Variants in RGS11 observed in about 807,000 individuals in gnomAD.
RGS11 encodes regulator of G-protein signaling 11.
A neutral mutation model predicts 71.1 loss-of-function variants in RGS11; 86 were observed. The observed-to-expected ratio is 1.21, with a 90% CI of 1.02 to 1.45. The LOEUF is 1.45. RGS11 is among the 40% of genes most tolerant of loss of function. The pLI, the probability that RGS11 is intolerant of heterozygous loss-of-function variation, is 0.00. For missense variants in RGS11, 734 were observed against 635.1 expected (o/e 1.16, Z -1.67); for synonymous variants, 298 against 254.2 (o/e 1.17, Z -1.64).
rs1596882975 is a variant in RGS11 at position 269,688 on chromosome 16, CAG to C, written c.1207-105_1207-104del. On this transcript the variant is annotated intron_variant, in intron 15 of 16. Transcript: ENST00000397770. ...ACATTGCTGGAGCCTCCTCCAGCCA[CAG>C]AGTCTCCGGCGGACAGGGTGCTGGA... 6.4e-6 allele frequency: 6 copies of C among 932,520 alleles called. No homozygotes were observed. The African/African-American group carries it at 6.6e-5, about 10-fold the overall frequency. 57.8% of individuals were successfully genotyped at this position (932,520 alleles called of 1,614,324 possible).
chr16:273,731 A>T, intron 7 of RGS11, 29 bp downstream of exon 7: 1 of 1,598,272 alleles, frequency 6.3e-7, no homozygotes, highest in Non-Finnish European at 8.6e-7. Flanking sequence ...GGGCGCCTGC[A>T]GGCGGGGCGG....
rs1285567258 is a variant in RGS11, at chr16:274,296, A to G, written c.319-31T>C. 4.4e-6 allele frequency: 7 copies of G among 1,596,704 alleles called. No individual in the cohort carries two copies. The African/African-American group carries it at 6.7e-5, about 15-fold the overall frequency. ...GTGGTGCAGGGAGAAGGTGTCCAGG[A>G]CGCCTGCGTCTGTGCCTCCCCAGTG... On this transcript the variant is annotated intron_variant, in intron 4 of 16. Transcript: ENST00000397770.
chr16:272,905 C>T lies in RGS11; in HGVS notation c.615G>A (p.Gln205=). 1.3e-6 allele frequency: 2 copies of T among 1,526,492 alleles called. No individual in the cohort carries two copies. The highest frequency in any genetic ancestry group is 1.8e-6 in the Non-Finnish European group (2 of 1,133,262). The allele number at this position is 1,526,492 out of a possible 1,614,324, so 94.6% of individuals were successfully genotyped here. Reference sequence around the variant, plus strand: ...CAGCGCAGGATCCCCGCCCTGGACCCTGCTCCAGCACATCGGGGGCCCCGG... The same window carrying T: ...CAGCGCAGGATCCCCGCCCTGGACCTTGCTCCAGCACATCGGGGGCCCCGG... The part of the protein sequence containing the change: ...PPPGAPDVLE[Q]GPGRGSCAAS... Residue 205 remains glutamine (Q), a synonymous_variant, in exon 9 of 17, where the codon CAG becomes CAA. Transcript: ENST00000397770.
rs2051826808 is a variant in RGS11, at chr16:269,653, GAGCA to G, written c.1207-72_1207-69del. On this transcript the variant is annotated intron_variant, in intron 15 of 16. Transcript: ENST00000397770. ...ACCTCTCAGCCAGCTCCACCCGAAGGAGCAGCCAAACATTGCTGGAGCCTCCTCC... is the reference window on the plus strand; with the variant it reads ...ACCTCTCAGCCAGCTCCACCCGAAGGGCCAAACATTGCTGGAGCCTCCTCC... 2.4e-6 allele frequency: 3 copies of G among 1,273,156 alleles called. No homozygotes were observed. In the East Asian group the frequency reaches 7.0e-5, roughly 30 times the overall value. 78.9% of individuals were successfully genotyped at this position (1,273,156 alleles called of 1,614,324 possible). A position where few individuals can be genotyped will look rare whatever the true frequency, so the allele number is the denominator to read the frequency against.
In RGS11 at chr16:273,789, C is replaced by T; in HGVS notation, c.477G>A (p.Leu159=). 1.9e-6 allele frequency: 3 copies of T among 1,613,194 alleles called. No homozygotes were observed. The highest frequency in any genetic ancestry group is 1.7e-6 in the Non-Finnish European group (2 of 1,180,010). ...GCTGCTCCCTCGCCTGCATCAGCACCAGGTCCCATGCGTGGTTGATCTTCT... is the reference window on the plus strand; with the variant it reads ...GCTGCTCCCTCGCCTGCATCAGCACTAGGTCCCATGCGTGGTTGATCTTCT... ...LHKKINHAWD[L]VLMQAREQLR... Residue 159 remains leucine (L), a synonymous_variant, in exon 7 of 17, where the codon CTG becomes CTA. Transcript: ENST00000397770.
rs1567232281 is a variant in RGS11, at chr16:268,430, G to A, written c.*839C>T. ...CCCTACCGCCGAGAGAGTTGAAGCT[G>A]CACCCCCGAAAGGAGCCAGCTGTAC... On this transcript the variant is annotated 3_prime_UTR_variant, in exon 17 of 17. Coordinates refer to ENST00000397770, the MANE Select transcript of RGS11 (RefSeq NM_183337.3). 2.8e-6 allele frequency: 1 copy of A among 362,496 alleles called. No individual in the cohort carries two copies. The highest frequency in any genetic ancestry group is 5.2e-6 in the Non-Finnish European group (1 of 191,848). 22.5% of individuals were successfully genotyped at this position (362,496 alleles called of 1,614,324 possible). A position where few individuals can be genotyped will look rare whatever the true frequency, so the allele number is the denominator to read the frequency against.
intron 4 of RGS11, chr16:274,592 C>CGGCAGGT (rs1365695682): frequency 1.7e-6 from 1 of 593,186 alleles, no homozygotes; most frequent in East Asian, 3.1e-5. Context: ...GTACAACCGA[C>CGGCAGGT]GGCAGGTCGG....
chr16:271,202 G>C lies in RGS11; in HGVS notation c.863C>G (p.Thr288Arg), dbSNP rs148856124. 75 of 1,612,280 alleles carry C rather than the reference G, an allele frequency of 4.7e-5. No homozygotes were observed. The highest frequency in any genetic ancestry group is 1.6e-4 in the Middle Eastern group (1 of 6,080). Residue 288 changes from threonine to arginine, a missense_variant and splice_region_variant, in exon 12 of 17, where the codon ACG becomes AGG. Thr to Arg is a moderately conservative substitution (Grantham distance 71). Coordinates refer to ENST00000397770, the MANE Select transcript of RGS11 (RefSeq NM_183337.3). ...GTCCCGCTGCCCCGCCTGGGCTCAC[G>C]TGGGGGCATTCATGACCCAGTAGGC... ...NDAYWVMNAPTVAAPTKLRVE... is the reference protein window; with the variant it reads ...NDAYWVMNAPRVAAPTKLRVE...
At position 272,908 on chromosome 16, in the gene RGS11, C is replaced by G. The variant is rs1023889142; in HGVS notation, c.612G>C (p.Glu204Asp). ...CGCAGGATCCCCGCCCTGGACCCTG[C>G]TCCAGCACATCGGGGGCCCCGGGCT... is the stretch of plus-strand genomic sequence containing the variant. ...RPPPGAPDVL[E>D]QGPGRGSCAA... The change falls in exon 9 of 17, where the codon GAG becomes GAC. Residue 204 changes from glutamate to aspartate, a missense_variant. Glu to Asp is a conservative substitution (Grantham distance 45, BLOSUM62 2). Coordinates refer to ENST00000397770, the MANE Select transcript of RGS11 (RefSeq NM_183337.3). 1 of 1,524,672 alleles carries G rather than the reference C, an allele frequency of 6.6e-7. No homozygotes were observed. Among genetic ancestry groups the G allele is most frequent in the Admixed American group, 2.0e-5 (1 of 48,854 alleles). 94.4% of individuals were successfully genotyped at this position (1,524,672 alleles called of 1,614,324 possible). A position where few individuals can be genotyped will look rare whatever the true frequency, so the allele number is the denominator to read the frequency against.
chr16:275,807 CCGGGAAATCGGGGGA>C (rs1296224284), intron 1 of RGS11, 27 bp downstream of exon 1: 6 of 900,194 alleles, frequency 6.7e-6, no homozygotes, highest in Non-Finnish European at 8.5e-6. Flanking sequence ...GCCTCGGGCG[CCGGGAAATCGGGGGA>C]CGGCGGGACA....
At position 274,066 on chromosome 16, in the gene RGS11, C is replaced by G. The variant is rs1337287767; in HGVS notation, c.406G>C (p.Gly136Arg). The G allele has an allele frequency of 6.4e-7, 1 of 1,550,914 alleles. No homozygotes were observed. The highest frequency in any genetic ancestry group is 8.7e-7 in the Non-Finnish European group (1 of 1,147,142). Residue 136 changes from glycine to arginine, a missense_variant, in exon 6 of 17, where the codon GGG becomes CGG. Physicochemically the swap from Gly to Arg is moderately radical, Grantham distance 125. Transcript: ENST00000397770. ...YLAKKNIRKR[G>R]TLVDYEKDCY... ...ACCTTCTCATAATCCACCAGGGTCC[C>G]CCGTTTTCGGATGTTCTTCTTGGCC...
At chr16:272,000 C>T (rs1227277068) in intron 9 of RGS11, 3 of 317,024 alleles carry the variant, frequency 9.5e-6, no homozygotes, top group Non-Finnish European at 1.6e-5. Flanking sequence ...CCAAGCCCAG[C>T]TAATTTTGTA....
intron 3 of RGS11, 95 bp downstream of exon 3, chr16:275,188 C>G: frequency 6.3e-7 from 1 of 1,599,090 alleles, no homozygotes; most frequent in South Asian, 1.1e-5. Flanking sequence ...ACAGCGCGCT[C>G]AGCAGGGCTC....
chr16:271,636 G>A, intron 9 of RGS11, 67 bp from the exon 10 acceptor site: 1 of 1,495,122 alleles, frequency 6.7e-7, no homozygotes, highest in Non-Finnish European at 9.3e-7. Context: ...TCCCCAGCAG[G>A]AGGGCACCTC....
At position 271,151 on chromosome 16, in the gene RGS11, C is replaced by T. The variant is rs775514630; in HGVS notation, c.863+51G>A. The T allele has an allele frequency of 3.6e-5, 58 of 1,601,814 alleles. 1 individual carries two copies. The highest frequency in any genetic ancestry group is 1.8e-4 in the East Asian group (8 of 44,712). ...AGGGTGGGGACTGACCCTCCTGCGT[C>T]CCCCCAGGCTGGGAGCACACCCGCA... On this transcript the variant is annotated intron_variant, in intron 12 of 16. Coordinates refer to ENST00000397770, the MANE Select transcript of RGS11 (RefSeq NM_183337.3).
At position 275,458 on chromosome 16, in the gene RGS11, C is replaced by T. The variant is rs778974165; in HGVS notation, c.104G>A (p.Gly35Asp). ...CAGGCGCTGGCTCCGCATCTTCACG[C>T]CCTGGTCGGGGTCCTGCATGCTCAC... ...VVVSMQDPDQ[G>D]VKMRSQRLLV... The change falls in exon 2 of 17, where the codon GGC (glycine) becomes GAC (aspartate). Residue 35 changes from glycine to aspartate, a missense_variant. Physicochemically the swap from Gly to Asp is moderately conservative, Grantham distance 94. Transcript: ENST00000397770. 2 of 1,594,414 alleles carry T rather than the reference C, an allele frequency of 1.3e-6. No homozygotes were observed. Among genetic ancestry groups the T allele is most frequent in the Non-Finnish European group, 1.7e-6 (2 of 1,177,382 alleles).
Position 275,442 on chromosome 16 carries a change from GC to G in RGS11, c.119del (p.Ser40ThrfsTer13). ...GAATGACGGTGACCAGCAGGCGCTG[GC>G]TCCGCATCTTCACGCCCTGGTCGGG... Reference protein sequence around the residue: ...QDPDQGVKMRSQRLLVTVIPH... With the variant: ...QDPDQGVKMRXQRLLVTVIPH... On this transcript the variant is annotated frameshift_variant, in exon 2 of 17. Coordinates refer to ENST00000397770, the MANE Select transcript of RGS11 (RefSeq NM_183337.3). LOFTEE classifies it high-confidence loss of function. The G allele has an allele frequency of 1.9e-6, 3 of 1,599,434 alleles. No individual in the cohort carries two copies. The Admixed American group carries it at 5.0e-5, about 27-fold the overall frequency.
At chr16:274,911 G>A (rs1219750911) in intron 4 of RGS11, 65 bp downstream of exon 4, 1 of 1,310,696 alleles carries the variant, frequency 7.6e-7, no homozygotes, top group Non-Finnish European at 1.0e-6. Context: ...GTCTCCCCGA[G>A]TTGGTAAGCT....
Position 270,542 on chromosome 16 carries a change from A to T in RGS11, c.1187T>A (p.Ile396Lys). 1 of 1,608,442 alleles carries T rather than the reference A, an allele frequency of 6.2e-7. No individual in the cohort carries two copies. Among genetic ancestry groups the T allele is most frequent in the Middle Eastern group, 1.7e-4 (1 of 6,040 alleles). The change falls in exon 15 of 17, where the codon ATA becomes AAA. Residue 396 changes from isoleucine (I) to lysine (K), a missense_variant. Ile to Lys is a moderately radical substitution (Grantham distance 102). Coordinates refer to ENST00000397770, the MANE Select transcript of RGS11 (RefSeq NM_183337.3). Reference sequence around the variant, plus strand: ...ACCCACCTTCTTCATGAGCATGTATATGTGCAGCTGGGCGTCATCCAGGAC... The same window carrying T: ...ACCCACCTTCTTCATGAGCATGTATTTGTGCAGCTGGGCGTCATCCAGGAC... ...RYVLDDAQLH[I>K]YMLMKKDSYP...
Sources: gnomAD v4.1 joint callset for allele counts on GRCh38, gnomAD v4.1.1 for gene constraint, MANE v1.5 for transcripts, NCBI Gene and HGNC (gene_info 2026-07-23, HGNC 2026-07-21) for gene names.